HYCC2: variants seen among roughly 807,000 people sequenced by gnomAD.
HYCC2 encodes the protein hyccin PI4KA lipid kinase complex subunit 2.
the HYCC2 span, among the ~76,000 whole-genome samples, chr2:201,059,035 TTCAAAC>T: frequency 2.0e-5 from 3 of 152,200 alleles, no homozygotes; most frequent in Non-Finnish European, 2.9e-5. Context: ...TTCTCCAGCC[TTCAAAC>T]TCAAACTGAA....
the HYCC2 span, chr2:200,974,888 A>C: frequency 1.3e-5 from 2 of 152,000 alleles, no homozygotes; most frequent in African/African-American, 4.8e-5. Flanking sequence ...CATGGACATA[A>C]ATTATTTAAC....
chr2:201,069,419 T>C, the HYCC2 span, among the ~76,000 whole-genome samples: 2 of 152,298 alleles, frequency 1.3e-5, no homozygotes, highest in Non-Finnish European at 2.9e-5. Context: ...AGTGTTTCTT[T>C]AGCTACTTGG....
the HYCC2 span, among the ~76,000 whole-genome samples, chr2:201,028,262 T>C: frequency 6.6e-6 from 1 of 151,998 alleles, no homozygotes; most frequent in African/African-American, 2.4e-5. Flanking sequence ...TTACAAGACA[T>C]GTGAAGGACT....
chr2:201,022,668 G>A, the HYCC2 span: 2 of 456,614 alleles, frequency 4.4e-6, no homozygotes, highest in African/African-American at 4.1e-5. Flanking sequence ...AATATGGAAA[G>A]GCAGGGAATA....
At chr2:201,033,887 T>C in the HYCC2 span, among the ~76,000 whole-genome samples, 2 of 152,056 alleles carry the variant, frequency 1.3e-5, no homozygotes, top group African/African-American at 4.8e-5. Flanking sequence ...ATTTGATATA[T>C]ACTTTATCAG....
At chr2:200,981,790 C>A in the HYCC2 span, 1 of 1,614,130 alleles carries the variant, frequency 6.2e-7, no homozygotes, top group Non-Finnish European at 8.5e-7. The surrounding 1 kb of genome is among the most constrained non-coding windows in gnomAD (Gnocchi z 4.5). Context: ...TGGCTGACTG[C>A]TGAGGGAAGC....
At chr2:200,974,799 C>T in the HYCC2 span, 34 of 151,828 alleles carry the variant, frequency 2.2e-4, no homozygotes, top group Non-Finnish European at 3.7e-4. Context: ...TTGGGCTATA[C>T]ATTTTAAAAA....
At chr2:201,055,407 TA>T in the HYCC2 span, among the ~76,000 whole-genome samples, 2 of 141,618 alleles carry the variant, frequency 1.4e-5, no homozygotes, top group African/African-American at 5.2e-5. Context: ...AAACAAACAC[TA>T]AAATTCTAGG....
the HYCC2 span, among the ~76,000 whole-genome samples, chr2:201,020,400 G>T: frequency 5.1e-4 from 77 of 152,294 alleles, 1 homozygote; most frequent in Admixed American, 2.0e-4. Flanking sequence ...GTGAGGTGAA[G>T]AAATGGAGAC....
chr2:201,017,941 A>G, the HYCC2 span, among the ~76,000 whole-genome samples: 1 of 152,178 alleles, frequency 6.6e-6, no homozygotes, highest in Non-Finnish European at 1.5e-5. Flanking sequence ...CACTCAGTAG[A>G]AGAAGGGATT....
At chr2:201,048,480 AT>A in the HYCC2 span, among the ~76,000 whole-genome samples, 1,930 of 127,662 alleles carry the variant, frequency 0.015, 22 homozygotes, top group Non-Finnish European at 0.022. Context: ...ACATGATGAG[AT>A]TTTTTTTTTG....
chr2:201,043,786 G>T, the HYCC2 span, among the ~76,000 whole-genome samples: 1 of 152,136 alleles, frequency 6.6e-6, no homozygotes, highest in South Asian at 2.1e-4. Flanking sequence ...GGGATTACAG[G>T]TGTGAGCCAC....
the HYCC2 span, chr2:200,974,005 G>A: frequency 6.6e-6 from 1 of 151,916 alleles, no homozygotes; most frequent in African/African-American, 2.4e-5. Flanking sequence ...CAGGATAATG[G>A]CTTACATGCA....
the HYCC2 span, chr2:201,022,182 GT>G: frequency 1.1e-6 from 1 of 925,626 alleles, no homozygotes; most frequent in Non-Finnish European, 1.5e-6. Context: ...CATGAATCCA[GT>G]GGTGATAAAA....
At chr2:201,002,038 T>C in the HYCC2 span, among the ~76,000 whole-genome samples, 1 of 151,326 alleles carries the variant, frequency 6.6e-6, no homozygotes, top group African/African-American at 2.4e-5. Context: ...GTAAAGTCAA[T>C]AATTAGCTGA....
the HYCC2 span, among the ~76,000 whole-genome samples, chr2:201,032,576 T>C: frequency 6.6e-6 from 1 of 152,226 alleles, no homozygotes; most frequent in Non-Finnish European, 1.5e-5. Context: ...TTCCAATTAA[T>C]TCCTACGTGG....
the HYCC2 span, among the ~76,000 whole-genome samples, chr2:201,025,282 G>T: frequency 5.9e-5 from 9 of 152,202 alleles, no homozygotes; most frequent in African/African-American, 2.2e-4. Context: ...AGAATTAATT[G>T]GTTCATTCCA....
the HYCC2 span, among the ~76,000 whole-genome samples, chr2:201,055,829 T>C: frequency 6.6e-6 from 1 of 151,846 alleles, no homozygotes; most frequent in Non-Finnish European, 1.5e-5. Context: ...GGGTGGCTGA[T>C]GTGGGAGGAT....
chr2:201,008,474 T>C, the HYCC2 span, among the ~76,000 whole-genome samples: 1 of 152,178 alleles, frequency 6.6e-6, no homozygotes, highest in Admixed American at 6.6e-5. Context: ...AGTTAATGAT[T>C]GTTAGCTGAG....
Sources: allele counts gnomAD v4.1 joint callset (sites outside exome capture counted in the v4.1 genomes callset), GRCh38; gene constraint gnomAD v4.1.1; non-coding constraint Gnocchi (gnomAD v3.1); transcripts MANE v1.5; gene names NCBI Gene and HGNC (gene_info 2026-07-23, HGNC 2026-07-21).